FRMD4A: variants seen among roughly 807,000 people sequenced by gnomAD.
FRMD4A encodes the protein FERM domain containing 4A, also known as FERM domain-containing protein 4A.
In FRMD4A, 29 loss-of-function variants were observed where a neutral mutation model predicts 129.1. The ratio of observed to expected loss-of-function variants is 0.22; its 90% CI spans 0.17 to 0.31. The LOEUF is 0.31. Among genes scored for constraint, FRMD4A ranks in the 10% least tolerant of loss-of-function variants. FRMD4A has a pLI of 1.00. For missense variants in FRMD4A, 1,272 were observed against 1,375.8 expected (o/e 0.92, Z 1.19); for synonymous variants, 634 against 571.6 (o/e 1.11, Z -1.56).
At chr10:13,850,309 C>G (rs749970483) in intron 3 of FRMD4A, among the ~76,000 whole-genome samples, 11 of 152,036 alleles carry the variant, frequency 7.2e-5, no homozygotes, top group Non-Finnish European at 1.6e-4. Context: ...CCCATAATAG[C>G]CCAGACTATT....
chr10:13,704,010 C>CAAAA (rs2087138811), intron 13 of FRMD4A, among the ~76,000 whole-genome samples: 1 of 151,628 alleles, frequency 6.6e-6, no homozygotes, highest in Non-Finnish European at 1.5e-5. Flanking sequence ...TCTCAAAAAA[C>CAAAA]AAAACAAACA....
intron 2 of FRMD4A, among the ~76,000 whole-genome samples, chr10:13,931,169 A>C (rs960754666): frequency 5.9e-5 from 9 of 152,138 alleles, no homozygotes; most frequent in Non-Finnish European, 1.3e-4. Flanking sequence ...GGAAGAGGAG[A>C]TTAGAGATGG....
chr10:14,218,308 A>C (rs1404803832), intron 2 of FRMD4A, among the ~76,000 whole-genome samples: 1 of 152,206 alleles, frequency 6.6e-6, no homozygotes, highest in Non-Finnish European at 1.5e-5. Context: ...GAGGAATTTG[A>C]CTAACTTCTT....
chr10:13,762,341 A>G lies in FRMD4A; in HGVS notation c.441+283T>C, dbSNP rs571346912. 3.3e-5 allele frequency among the ~76,000 whole-genome samples: 5 copies of G among 152,328 alleles called. No homozygotes were observed. In the East Asian group the frequency reaches 7.7e-4, roughly 23 times the overall value. On this transcript the variant is annotated intron_variant, in intron 7 of 24. Coordinates refer to ENST00000357447, the MANE Select transcript of FRMD4A (RefSeq NM_018027.5). ...CAGGGTGGAGGTACCAAACCCAAAG[A>G]AAATGGGGTCAGTAAATGATCTCAG...
At chr10:14,119,303 A>G (rs1346853509) in intron 2 of FRMD4A, among the ~76,000 whole-genome samples, 1 of 152,216 alleles carries the variant, frequency 6.6e-6, no homozygotes, top group African/African-American at 2.4e-5. Context: ...AGCGGTTCAT[A>G]TGCTCAAACA....
intron 2 of FRMD4A, among the ~76,000 whole-genome samples, chr10:14,127,428 G>C (rs1371308635): frequency 6.6e-6 from 1 of 152,332 alleles, no homozygotes; most frequent in African/African-American, 2.4e-5. Flanking sequence ...TAGACAGGAG[G>C]CCTTGCTGTA....
chr10:13,693,495 G>C, intron 15 of FRMD4A: 1 of 1,161,968 alleles, frequency 8.6e-7, no homozygotes, highest in Non-Finnish European at 1.1e-6. Context: ...GGAGTAGAAT[G>C]CAGTGTCTCC....
chr10:13,753,257 A>G (rs1588564092), intron 8 of FRMD4A, among the ~76,000 whole-genome samples: 1 of 152,194 alleles, frequency 6.6e-6, no homozygotes, highest in South Asian at 2.1e-4. Context: ...AAAAGAGAGC[A>G]CCTGCCTATC....
chr10:13,742,083 G>A (rs1480025514), intron 9 of FRMD4A, among the ~76,000 whole-genome samples: 2 of 151,698 alleles, frequency 1.3e-5, no homozygotes, highest in East Asian at 1.9e-4. Context: ...CTCAAACTCC[G>A]GGCCTCAGGT....
intron 2 of FRMD4A, among the ~76,000 whole-genome samples, chr10:13,969,583 G>C (rs868717366): frequency 1.5e-4 from 23 of 152,352 alleles, no homozygotes; most frequent in Middle Eastern, 6.8e-3. Context: ...AGATGTGGTG[G>C]CCGACACCTG....
At chr10:13,988,858 A>G (rs1161943968) in intron 2 of FRMD4A, among the ~76,000 whole-genome samples, 1 of 152,218 alleles carries the variant, frequency 6.6e-6, no homozygotes, top group African/African-American at 2.4e-5. Context: ...TGGACGTCAG[A>G]GAGGATACTT....
intron 2 of FRMD4A, among the ~76,000 whole-genome samples, chr10:14,254,471 T>G (rs192840003): frequency 1.3e-5 from 2 of 152,268 alleles, no homozygotes; most frequent in East Asian, 3.9e-4. Context: ...TGGCTCTTCC[T>G]CACCAGCACA....
chr10:13,814,169 C>G (rs78312787), intron 3 of FRMD4A, among the ~76,000 whole-genome samples: 1 of 152,020 alleles, frequency 6.6e-6, no homozygotes, highest in South Asian at 2.1e-4. Flanking sequence ...GGTGATTATG[C>G]CTGGTCAACC....
chr10:14,309,761 G>A (rs139131150), intron 2 of FRMD4A, among the ~76,000 whole-genome samples: 1 of 152,136 alleles, frequency 6.6e-6, no homozygotes, highest in African/African-American at 2.4e-5. Context: ...TTTCCTAACT[G>A]ATCAGCCCAC....
At chr10:14,187,585 G>A (rs1218870591) in intron 2 of FRMD4A, among the ~76,000 whole-genome samples, 2 of 152,152 alleles carry the variant, frequency 1.3e-5, no homozygotes, top group East Asian at 3.9e-4. Context: ...TACAGTGGCT[G>A]GGAGGGCAAC....
intron 2 of FRMD4A, among the ~76,000 whole-genome samples, chr10:13,909,617 C>T (rs139759502): frequency 2.6e-5 from 4 of 152,214 alleles, no homozygotes; most frequent in Admixed American, 6.5e-5. Context: ...TATGGATGTA[C>T]GAACAATTCT....
intron 2 of FRMD4A, among the ~76,000 whole-genome samples, chr10:14,024,431 C>T (rs955078727): frequency 2.6e-5 from 4 of 152,188 alleles, no homozygotes; most frequent in East Asian, 3.8e-4. Context: ...ATGAATGTCC[C>T]GATTTGCTCT....
intron 2 of FRMD4A, among the ~76,000 whole-genome samples, chr10:13,879,211 C>T (rs975951885): frequency 6.6e-6 from 1 of 152,016 alleles, no homozygotes; most frequent in Non-Finnish European, 1.5e-5. Flanking sequence ...CCAGCCTGGG[C>T]AACACAGTGA....
chr10:14,206,820 A>AAAAAAAAAAAAAAAAAAAG (rs1429238276), intron 2 of FRMD4A, among the ~76,000 whole-genome samples: 52 of 127,474 alleles, frequency 4.1e-4, no homozygotes, highest in Admixed American at 6.3e-4. Flanking sequence ...AAAAAAAAAA[A>AAAAAAAAAAAAAAAAAAAG]AGAGAGACAG....
Sources: gnomAD v4.1 joint callset for allele counts (sites outside exome capture counted in the v4.1 genomes callset) on GRCh38, gnomAD v4.1.1 for gene constraint, MANE v1.5 for transcripts, NCBI Gene and HGNC (gene_info 2026-07-23, HGNC 2026-07-21) for gene names.